Variants in SEMA3C observed in about 807,000 individuals in gnomAD.
The protein encoded by SEMA3C is semaphorin-3C.
SEMA3C carries 47 observed loss-of-function variants against 89.4 expected under a neutral mutation model. The ratio of observed to expected loss-of-function variants is 0.53; its 90% CI spans 0.42 to 0.67. The LOEUF is 0.67. Among genes scored for constraint, SEMA3C ranks in the 30% least tolerant of loss-of-function variants. SEMA3C has a pLI of 0.00. For missense variants in SEMA3C, 839 were observed against 929.1 expected (o/e 0.90, Z 1.26); for synonymous variants, 310 against 320.2 (o/e 0.97, Z 0.34).
Position 80,806,014 on chromosome 7 carries a change from TGA to T in SEMA3C, c.539-258_539-257del, listed in dbSNP as rs557564911. Among the ~76,000 whole-genome samples the T allele has an allele frequency of 1.9e-4, 29 of 152,148 alleles. No individual in the cohort carries two copies. The East Asian group carries it at 5.4e-3, about 28-fold the overall frequency. On this transcript the variant is annotated intron_variant, in intron 6 of 17. Coordinates refer to ENST00000265361, the MANE Select transcript of SEMA3C (RefSeq NM_006379.5). ...AAAACAACTTTATTCTATGTAAAAG[TGA>T]GAGTTCCTCTACCTGTACTTAATTA...
At chr7:80,886,355 CTTT>C (rs71893387) in intron 2 of SEMA3C, among the ~76,000 whole-genome samples, 32 of 141,202 alleles carry the variant, frequency 2.3e-4, no homozygotes, top group Middle Eastern at 3.6e-3. Flanking sequence ...GGAAATTAAA[CTTT>C]TTTTTTTTTT....
chr7:80,887,706 T>C (rs75069581), intron 2 of SEMA3C, among the ~76,000 whole-genome samples: 1,723 of 152,282 alleles, frequency 0.011, 28 homozygotes, highest in African/African-American at 0.039. Context: ...AAGAGCTGCT[T>C]ATCCTGAGTA....
At chr7:80,792,048 G>C (rs936945725) in intron 11 of SEMA3C, among the ~76,000 whole-genome samples, 7 of 152,198 alleles carry the variant, frequency 4.6e-5, no homozygotes, top group African/African-American at 1.7e-4. Context: ...TAGCAGTAAT[G>C]AGACAAGTAA....
intron 10 of SEMA3C, among the ~76,000 whole-genome samples, chr7:80,800,423 CA>C (rs1262723447): frequency 6.6e-6 from 1 of 151,872 alleles, no homozygotes; most frequent in Non-Finnish European, 1.5e-5. Flanking sequence ...TAACAGCAAC[CA>C]AAAAAATGCC....
At position 80,794,701 on chromosome 7, in the gene SEMA3C, T is replaced by C. The variant is rs142868370; in HGVS notation, c.1131+3391A>G. Among the ~76,000 whole-genome samples the C allele has an allele frequency of 2.0e-5, 3 of 152,346 alleles. No homozygotes were observed. The East Asian group carries it at 5.8e-4, about 29-fold the overall frequency. On this transcript the variant is annotated intron_variant, in intron 11 of 17. Transcript: ENST00000265361. ...CATTAAGTTCTGCTTTAACAGGATATACAACTATACAAACAATCTCCTGCA... is the reference window on the plus strand; with the variant it reads ...CATTAAGTTCTGCTTTAACAGGATACACAACTATACAAACAATCTCCTGCA...
At chr7:80,793,214 T>A (rs1028456503) in intron 11 of SEMA3C, 1 of 171,074 alleles carries the variant, frequency 5.8e-6, no homozygotes, top group Admixed American at 6.4e-5. Context: ...AAGTGTGATA[T>A]GAAATGCTAG....
Position 80,744,932 on chromosome 7 carries a change from T to C in SEMA3C, c.2218A>G (p.Lys740Glu). 1 of 1,614,110 alleles carries C rather than the reference T, an allele frequency of 6.2e-7. No individual in the cohort carries two copies. The highest frequency in any genetic ancestry group is 8.5e-7 in the Non-Finnish European group (1 of 1,179,964). Reference sequence around the variant, plus strand: ...AACTGATTCCTCCTGTTTCTACTTTTCCGACTATTGATGAGGGCCTTTAAC... The same window carrying C: ...AACTGATTCCTCCTGTTTCTACTTTCCCGACTATTGATGAGGGCCTTTAAC... Reference protein sequence around the residue: ...GKLKALINSRKSRNRRNQLPE... With the variant: ...GKLKALINSRESRNRRNQLPE... The change falls in exon 18 of 18, where the codon AAA becomes GAA. Residue 740 changes from lysine (K) to glutamate (E), a missense_variant. Coordinates refer to ENST00000265361, the MANE Select transcript of SEMA3C (RefSeq NM_006379.5).
At chr7:80,872,872 C>T (rs1056152549) in intron 2 of SEMA3C, among the ~76,000 whole-genome samples, 1 of 146,842 alleles carries the variant, frequency 6.8e-6, no homozygotes, top group South Asian at 2.2e-4. Context: ...GCAATTTCAC[C>T]TGTCACATAG....
At position 80,818,991 on chromosome 7, in the gene SEMA3C, T is replaced by C. The variant is rs188128441; in HGVS notation, c.328-573A>G. 3.3e-5 allele frequency among the ~76,000 whole-genome samples: 5 copies of C among 152,304 alleles called. No individual in the cohort carries two copies. In the East Asian group the frequency reaches 9.7e-4, roughly 29 times the overall value. Reference sequence around the variant, plus strand: ...AGGGTATAGTCAAATTCTCTGGGCATCCTTACTGAGAAAAACACAAAAATC... The same window carrying C: ...AGGGTATAGTCAAATTCTCTGGGCACCCTTACTGAGAAAAACACAAAAATC... On this transcript the variant is annotated intron_variant, in intron 4 of 17. Transcript: ENST00000265361.
chr7:80,839,328 A>G (rs1350500801), intron 2 of SEMA3C, among the ~76,000 whole-genome samples: 1 of 152,086 alleles, frequency 6.6e-6, no homozygotes, highest in Non-Finnish European at 1.5e-5. Flanking sequence ...TGCTTTCTAG[A>G]CCTCTTGGCA....
At chr7:80,919,388 GT>G (rs1283073460), upstream of SEMA3C, 74 of 985,104 alleles carry the variant, frequency 7.5e-5, no homozygotes, top group Non-Finnish European at 8.6e-5. Context: ...GCGCTCCACG[GT>G]TTTTGTTGCC....
At position 80,779,016 on chromosome 7, in the gene SEMA3C, C is replaced by T. The variant is rs142907903; in HGVS notation, c.1354+10290G>A. ...GCATTTTCATGGATTCAGCTATCAC[C>T]CACATTGCTAATGACTCCCAGATCT... On this transcript the variant is annotated intron_variant, in intron 12 of 17. Transcript: ENST00000265361. Among the ~76,000 whole-genome samples the T allele has an allele frequency of 1.3e-3, 193 of 152,238 alleles. 1 individual carries two copies. Among genetic ancestry groups the T allele is most frequent in the African/African-American group, 4.5e-3 (187 of 41,548 alleles).
At position 80,789,468 on chromosome 7, in the gene SEMA3C, C is replaced by T; in HGVS notation, c.1192G>A (p.Val398Ile). The change falls in exon 12 of 18, where the codon GTC (valine) becomes ATC (isoleucine). Residue 398 changes from valine (V) to isoleucine (I), a missense_variant. By Grantham distance (29) the Val-to-Ile change is conservative. Transcript: ENST00000265361. ...AGAGGATGGTTCCGAATAAAAGTGA[C>T]AACATCATCTGGGAACTCCTTGGTG... ...RTTKEFPDDV[V>I]TFIRNHPLMY... 1 of 1,613,986 alleles carries T rather than the reference C, an allele frequency of 6.2e-7. No individual in the cohort carries two copies. The highest frequency in any genetic ancestry group is 8.5e-7 in the Non-Finnish European group (1 of 1,179,962).
chr7:80,786,730 T>C (rs1788812761), intron 12 of SEMA3C, among the ~76,000 whole-genome samples: 1 of 152,184 alleles, frequency 6.6e-6, no homozygotes, highest in Non-Finnish European at 1.5e-5. Flanking sequence ...ACAATGGACA[T>C]AGTTATGATT....
intron 2 of SEMA3C, among the ~76,000 whole-genome samples, chr7:80,882,652 G>A (rs959893319): frequency 1.3e-5 from 2 of 151,772 alleles, no homozygotes; most frequent in East Asian, 1.9e-4. Context: ...GAGGAGTCTC[G>A]ATTACCTCAT....
intron 6 of SEMA3C, 129 bp downstream of exon 6, chr7:80,810,482 C>G: frequency 3.2e-6 from 2 of 615,442 alleles, no homozygotes; most frequent in Non-Finnish European, 5.6e-6. Flanking sequence ...TTTCTCAGCT[C>G]ACAACTTTCT....
At chr7:80,804,831 T>C (rs1451039593) in intron 7 of SEMA3C, among the ~76,000 whole-genome samples, 2 of 152,164 alleles carry the variant, frequency 1.3e-5, no homozygotes, top group Non-Finnish European at 2.9e-5. Flanking sequence ...CAATGCTTTC[T>C]TGTGCTGGCC....
At chr7:80,867,412 T>C (rs1305256996) in intron 2 of SEMA3C, among the ~76,000 whole-genome samples, 1 of 152,166 alleles carries the variant, frequency 6.6e-6, no homozygotes, top group African/African-American at 2.4e-5. Context: ...AACAAATTTC[T>C]TTATATTGGG....
chr7:80,797,337 C>A (rs1789088816), intron 11 of SEMA3C, among the ~76,000 whole-genome samples: 1 of 151,892 alleles, frequency 6.6e-6, no homozygotes, highest in Admixed American at 6.6e-5. Flanking sequence ...TAGAAAAATT[C>A]CGGTTCTAAT....
Sources: allele counts gnomAD v4.1 joint callset (sites outside exome capture counted in the v4.1 genomes callset), GRCh38; gene constraint gnomAD v4.1.1; transcripts MANE v1.5; gene names NCBI Gene and HGNC (gene_info 2026-07-23, HGNC 2026-07-21).